RUNX1: variants seen among roughly 807,000 people sequenced by gnomAD.
RUNX1 encodes the protein runt-related transcription factor 1.
RUNX1 carries 19 observed loss-of-function variants against 42.8 expected under a neutral mutation model. The ratio of observed to expected loss-of-function variants is 0.44; its 90% CI spans 0.31 to 0.65. RUNX1 has a LOEUF of 0.65. Among genes scored for constraint, RUNX1 ranks in the 30% least tolerant of loss-of-function variants. RUNX1 has a pLI of 0.07. For missense variants in RUNX1, 528 were observed against 672.0 expected (o/e 0.79, Z 2.37); for synonymous variants, 271 against 289.4 (o/e 0.94, Z 0.64).
In RUNX1 at chr21:34,834,468, A is replaced by G; in HGVS notation, c.747T>C (p.Pro249=). ...SPHHPAPTPN[P]RASLNHSTAF... ...CAGTGGAGTGGTTCAGGGAGGCACG[A>G]GGGTTGGGCGTGGGGGCTGGGTGGT... Residue 249 remains proline, a synonymous_variant, in exon 7 of 9, where the codon CCT becomes CCC. Transcript: ENST00000675419. The G allele has an allele frequency of 6.2e-7, 1 of 1,603,166 alleles. No individual in the cohort carries two copies. The highest frequency in any genetic ancestry group is 8.5e-7 in the Non-Finnish European group (1 of 1,174,464).
At chr21:34,956,677 C>T (rs1187682336) in intron 2 of RUNX1, among the ~76,000 whole-genome samples, 2 of 152,168 alleles carry the variant, frequency 1.3e-5, no homozygotes, top group African/African-American at 4.8e-5. Flanking sequence ...GACTAGCTCA[C>T]TCATGGGCTG....
At chr21:35,026,368 G>T (rs1646739511) in intron 2 of RUNX1, among the ~76,000 whole-genome samples, 2 of 152,154 alleles carry the variant, frequency 1.3e-5, no homozygotes, top group African/African-American at 2.4e-5. Context: ...CTCAAAAGGG[G>T]AAGATTGATA....
chr21:34,811,378 C>T (rs933168237), intron 7 of RUNX1, among the ~76,000 whole-genome samples: 2 of 152,214 alleles, frequency 1.3e-5, no homozygotes, highest in Non-Finnish European at 2.9e-5. Context: ...CTACCTGCAT[C>T]CTCTTCACCT....
intron 2 of RUNX1, among the ~76,000 whole-genome samples, chr21:35,034,564 G>A (rs2059293892): frequency 1.3e-5 from 2 of 152,200 alleles, no homozygotes; most frequent in South Asian, 4.1e-4. Flanking sequence ...ACCCCTCAGG[G>A]GTCATCTGGC....
At chr21:34,819,438 A>G (rs577117869) in intron 7 of RUNX1, among the ~76,000 whole-genome samples, 1 of 152,272 alleles carries the variant, frequency 6.6e-6, no homozygotes. Flanking sequence ...TTCATTGAGG[A>G]GGGAGGATTA....
intron 7 of RUNX1, chr21:34,821,464 C>A: frequency 1.4e-6 from 2 of 1,395,116 alleles, no homozygotes; most frequent in Non-Finnish European, 1.9e-6. Context: ...ACAATTGTCC[C>A]ATGTGTTAGG....
intron 2 of RUNX1, among the ~76,000 whole-genome samples, chr21:34,981,125 A>G (rs1021881410): frequency 3.9e-5 from 6 of 152,234 alleles, no homozygotes; most frequent in Non-Finnish European, 8.8e-5. Context: ...CCCTCCTAAG[A>G]TCAACAACAG....
intron 6 of RUNX1, among the ~76,000 whole-genome samples, chr21:34,855,713 A>G (rs1304221808): frequency 6.6e-6 from 1 of 152,098 alleles, no homozygotes; most frequent in South Asian, 2.1e-4. Flanking sequence ...TGTCTCAAAA[A>G]CAAACAAACA....
At chr21:34,944,616 T>C (rs1242075996) in intron 2 of RUNX1, among the ~76,000 whole-genome samples, 2 of 152,280 alleles carry the variant, frequency 1.3e-5, no homozygotes, top group East Asian at 3.9e-4. Flanking sequence ...AAATGAAATC[T>C]ATGGAGGAAG....
intron 8 of RUNX1, among the ~76,000 whole-genome samples, chr21:34,798,608 T>TA (rs1000226822): frequency 1.3e-5 from 2 of 151,980 alleles, no homozygotes; most frequent in East Asian, 3.9e-4. Context: ...AAAATATTAT[T>TA]AAAAAAAAGG....
At chr21:34,795,337 T>C (rs956710971) in intron 8 of RUNX1, among the ~76,000 whole-genome samples, 5 of 152,158 alleles carry the variant, frequency 3.3e-5, no homozygotes, top group Admixed American at 6.5e-5. Context: ...GTTTTCTCTC[T>C]CTCTCGCTCG....
At chr21:34,977,885 G>A (rs2058814801) in intron 2 of RUNX1, among the ~76,000 whole-genome samples, 1 of 152,102 alleles carries the variant, frequency 6.6e-6, no homozygotes, top group Non-Finnish European at 1.5e-5. Context: ...GGATTCATGA[G>A]GCAATGTGTA....
intron 2 of RUNX1, among the ~76,000 whole-genome samples, chr21:34,934,156 G>A (rs1381261869): frequency 6.6e-6 from 1 of 152,164 alleles, no homozygotes; most frequent in Non-Finnish European, 1.5e-5. Flanking sequence ...TTTCTCATGA[G>A]CTGTGACTAG....
At chr21:34,820,226 T>A (rs2056887760) in intron 7 of RUNX1, among the ~76,000 whole-genome samples, 1 of 151,992 alleles carries the variant, frequency 6.6e-6, no homozygotes. Context: ...GAGGAGGATA[T>A]CCCTTCCTTG....
At chr21:34,935,619 C>G (rs1327975408) in intron 2 of RUNX1, among the ~76,000 whole-genome samples, 2 of 151,734 alleles carry the variant, frequency 1.3e-5, no homozygotes, top group Non-Finnish European at 2.9e-5. Flanking sequence ...TAGGGTTTCT[C>G]AACCTCAGAA....
intron 2 of RUNX1, among the ~76,000 whole-genome samples, chr21:35,048,351 G>A (rs2059415587): frequency 6.6e-6 from 1 of 152,230 alleles, no homozygotes; most frequent in African/African-American, 2.4e-5. Flanking sequence ...AAGGCTATCT[G>A]AGAGCCTCCG....
Position 34,938,672 on chromosome 21 carries a change from T to G in RUNX1, c.59-45709A>C, listed in dbSNP as rs150442502. 2.5e-3 allele frequency among the ~76,000 whole-genome samples: 376 copies of G among 152,326 alleles called. 3 individuals are homozygous for G. The highest frequency in any genetic ancestry group is 0.01 in the Admixed American group (156 of 15,290). ...TCGTCTGAAAATGATGAACACACAT[T>G]GTTTAAAAATGAGGCTGGAAACTTG... On this transcript the variant is annotated intron_variant, in intron 2 of 8. Coordinates refer to ENST00000675419, the MANE Select transcript of RUNX1 (RefSeq NM_001754.5).
At chr21:34,866,986 A>T (rs2057671932) in intron 5 of RUNX1, among the ~76,000 whole-genome samples, 1 of 152,228 alleles carries the variant, frequency 6.6e-6, no homozygotes. Flanking sequence ...ACTTGGAGAA[A>T]ACCGAAGACA....
intron 2 of RUNX1, among the ~76,000 whole-genome samples, chr21:35,028,406 G>C (rs934170116): frequency 1.3e-5 from 2 of 152,166 alleles, no homozygotes; most frequent in South Asian, 4.1e-4. Context: ...GTTCACAGGC[G>C]AGCCTCAGTG....
Sources: allele counts gnomAD v4.1 joint callset (sites outside exome capture counted in the v4.1 genomes callset), GRCh38; gene constraint gnomAD v4.1.1; transcripts MANE v1.5; gene names NCBI Gene and HGNC (gene_info 2026-07-23, HGNC 2026-07-21).